Variants in CLIC5 observed in about 807,000 individuals in gnomAD.
The protein encoded by CLIC5 is CLIC family member 5.
In CLIC5, 20 loss-of-function variants were observed where a neutral mutation model predicts 24.7. That is an observed-to-expected ratio of 0.81 (90% CI 0.57 to 1.18). The LOEUF (loss-of-function observed/expected upper bound fraction) is 1.18. CLIC5 is among the 50% of genes most tolerant of loss of function. CLIC5 has a pLI of 0.00. For missense variants in CLIC5, 341 were observed against 326.1 expected (o/e 1.05, Z -0.35); for synonymous variants, 159 against 135.6 (o/e 1.17, Z -1.20).
At chr6:46,055,195 C>G (rs2127467286) in intron 1 of CLIC5, among the ~76,000 whole-genome samples, 1 of 152,308 alleles carries the variant, frequency 6.6e-6, no homozygotes, top group Non-Finnish European at 1.5e-5. Flanking sequence ...CTCCGCCTTC[C>G]AGGTTCAAGT....
rs78472015 is a variant in CLIC5, at chr6:46,039,398, C to A, written c.540+40305G>T. On this transcript the variant is annotated intron_variant, in intron 1 of 5. Transcript: ENST00000185206. The stretch of plus-strand genomic sequence containing the variant: ...ATAAGAACTTATTACATTAAAAAAA[C>A]CAGATATACATAGGCAAGAAGTGAT... 5.1e-3 allele frequency among the ~76,000 whole-genome samples: 764 copies of A among 151,200 alleles called. 13 individuals carry two copies. Among genetic ancestry groups the A allele is most frequent in the East Asian group, 0.033 (172 of 5,146 alleles).
At chr6:46,129,213 C>T in the CLIC5 span, among the ~76,000 whole-genome samples, 4 of 152,330 alleles carry the variant, frequency 2.6e-5, no homozygotes, top group African/African-American at 9.6e-5. Context: ...ACTTCTATAC[C>T]AAGTTCTGTT....
chr6:46,072,261 G>A (rs1762628016), intron 1 of CLIC5, among the ~76,000 whole-genome samples: 1 of 150,840 alleles, frequency 6.6e-6, no homozygotes, highest in Admixed American at 6.6e-5. Context: ...AGAAACACAT[G>A]TGGATCATTC....
chr6:46,017,325 A>T (rs1454197718), upstream of CLIC5, among the ~76,000 whole-genome samples: 1 of 152,250 alleles, frequency 6.6e-6, no homozygotes, highest in African/African-American at 2.4e-5. Flanking sequence ...TAATAAAAAA[A>T]TAAGTAATAA....
chr6:46,026,984 T>A (rs1225436080), intron 1 of CLIC5, among the ~76,000 whole-genome samples: 1 of 152,140 alleles, frequency 6.6e-6, no homozygotes, highest in East Asian at 1.9e-4. Flanking sequence ...GAGATGGCAA[T>A]TGCCATAATT....
the CLIC5 span, among the ~76,000 whole-genome samples, chr6:46,088,558 C>A: frequency 6.6e-6 from 1 of 152,020 alleles, no homozygotes; most frequent in Non-Finnish European, 1.5e-5. Flanking sequence ...TTTCCACTAC[C>A]CAAAGATAAT....
At chr6:46,015,297 G>A (rs1443039559) in intron 1 of CLIC5, among the ~76,000 whole-genome samples, 183 bp downstream of exon 1, 4 of 152,216 alleles carry the variant, frequency 2.6e-5, no homozygotes, top group Non-Finnish European at 5.9e-5. Context: ...GCCGGAACCT[G>A]CCTTCCTCCA....
the CLIC5 span, among the ~76,000 whole-genome samples, chr6:46,122,505 A>G: frequency 6.6e-6 from 1 of 152,224 alleles, no homozygotes; most frequent in African/African-American, 2.4e-5. Flanking sequence ...ACACCCTAAC[A>G]TCGCAATTAA....
chr6:45,985,271 T>A (rs191714626), intron 1 of CLIC5, among the ~76,000 whole-genome samples: 2 of 152,204 alleles, frequency 1.3e-5, no homozygotes, highest in East Asian at 3.9e-4. Context: ...CCCAGAGAGA[T>A]AACAGGGAGC....
At chr6:46,036,935 A>G (rs901547473) in intron 1 of CLIC5, among the ~76,000 whole-genome samples, 2 of 152,240 alleles carry the variant, frequency 1.3e-5, no homozygotes, top group African/African-American at 4.8e-5. Context: ...AAGTCTCCTT[A>G]GTATAGTCTA....
chr6:45,943,363 G>A (rs755941641), intron 3 of CLIC5, among the ~76,000 whole-genome samples: 4 of 151,752 alleles, frequency 2.6e-5, no homozygotes, highest in Non-Finnish European at 2.9e-5. Context: ...GCTTTGCACC[G>A]ATGCTCCACA....
At chr6:45,910,840 G>A in intron 5 of CLIC5, among the ~76,000 whole-genome samples, 1 of 152,146 alleles carries the variant, frequency 6.6e-6, no homozygotes, top group East Asian at 1.9e-4. Context: ...CAGCAAGGTT[G>A]GAGGAGGAGA....
chr6:46,056,384 T>C (rs1273732032), intron 1 of CLIC5, among the ~76,000 whole-genome samples: 1 of 152,212 alleles, frequency 6.6e-6, no homozygotes, highest in Non-Finnish European at 1.5e-5. Context: ...GAGGCAGCCC[T>C]GCAGGCAACT....
At chr6:45,920,671 C>G (rs1043853855) in intron 4 of CLIC5, 92 of 980,088 alleles carry the variant, frequency 9.4e-5, no homozygotes, top group Admixed American at 1.2e-4. Flanking sequence ...GAAGAAGAAG[C>G]CTTTCTTTCC....
At chr6:45,956,374 T>G (rs993019258) in intron 1 of CLIC5, among the ~76,000 whole-genome samples, 5 of 152,172 alleles carry the variant, frequency 3.3e-5, no homozygotes, top group African/African-American at 1.2e-4. Context: ...GGCAGGGCAT[T>G]CCACTGACAG....
intron 1 of CLIC5, among the ~76,000 whole-genome samples, chr6:45,987,136 T>A (rs868408324): frequency 1.3e-5 from 2 of 152,196 alleles, no homozygotes; most frequent in African/African-American, 4.8e-5. Context: ...TTTGACCCCA[T>A]TAACTTAGTT....
At chr6:45,939,674 T>C (rs1031666819) in intron 4 of CLIC5, among the ~76,000 whole-genome samples, 1 of 152,130 alleles carries the variant, frequency 6.6e-6, no homozygotes, top group African/African-American at 2.4e-5. Context: ...AGGACCTTGC[T>C]CTTTCACCCA....
intron 1 of CLIC5, among the ~76,000 whole-genome samples, chr6:46,066,541 C>A (rs1314221253): frequency 6.6e-6 from 1 of 152,022 alleles, no homozygotes; most frequent in Non-Finnish European, 1.5e-5. Flanking sequence ...CTATCCCCCG[C>A]CCCCCATAAC....
chr6:45,997,388 A>G (rs1294897137), intron 1 of CLIC5, among the ~76,000 whole-genome samples: 2 of 148,402 alleles, frequency 1.3e-5, no homozygotes, highest in African/African-American at 4.9e-5. Context: ...TAGCATTGGG[A>G]GATATACCTA....
Sources: allele counts gnomAD v4.1 joint callset (sites outside exome capture counted in the v4.1 genomes callset), GRCh38; gene constraint gnomAD v4.1.1; transcripts MANE v1.5; gene names NCBI Gene and HGNC (gene_info 2026-07-23, HGNC 2026-07-21).